The following STON2 variants were observed in gnomAD, a reference collection of about 807,000 sequenced individuals.
The protein encoded by STON2 is stonin-2.
Under a neutral mutation model 65.7 loss-of-function variants are expected in STON2, and 29 were observed. The ratio of observed to expected loss-of-function variants is 0.44; its 90% CI spans 0.33 to 0.60. The LOEUF (loss-of-function observed/expected upper bound fraction) is 0.60, where lower values mean the gene tolerates loss of function less well. Ranked by LOEUF, STON2 falls within the 20% of genes least tolerant of loss-of-function variation. The pLI is 0.03. For synonymous variants in STON2, 404 were observed against 414.2 expected (o/e 0.98, Z 0.30); for missense variants, 1,054 against 1,118.1 (o/e 0.94, Z 0.82).
chr14:81,275,172 T>C (rs1894764136), intron 6 of STON2, among the ~76,000 whole-genome samples: 2 of 152,162 alleles, frequency 1.3e-5, no homozygotes, highest in Admixed American at 6.5e-5. Context: ...TGCAGTACTT[T>C]TAAATGTTTG....
intron 4 of STON2, among the ~76,000 whole-genome samples, chr14:81,347,153 T>C (rs915314121): frequency 6.7e-6 from 1 of 150,158 alleles, no homozygotes. Flanking sequence ...TTTGAAAAGA[T>C]AAAGAAAATT....
chr14:81,337,461 T>C (rs1897417816), intron 4 of STON2, among the ~76,000 whole-genome samples: 1 of 151,928 alleles, frequency 6.6e-6, no homozygotes, highest in Non-Finnish European at 1.5e-5. Flanking sequence ...TCATTTCAAG[T>C]AGGGTTAAAT....
intron 4 of STON2, among the ~76,000 whole-genome samples, chr14:81,369,341 G>C (rs1375308278): frequency 6.6e-6 from 1 of 152,130 alleles, no homozygotes; most frequent in Non-Finnish European, 1.5e-5. Flanking sequence ...ATAAGCTGTG[G>C]AGGCAGACTA....
chr14:81,348,105 C>T (rs147576613), intron 4 of STON2, among the ~76,000 whole-genome samples: 1 of 151,856 alleles, frequency 6.6e-6, no homozygotes, highest in East Asian at 1.9e-4. Flanking sequence ...ACAAATAAGG[C>T]GTAGTAAGAA....
chr14:81,289,221 C>A (rs930591258), intron 5 of STON2, among the ~76,000 whole-genome samples: 3 of 152,142 alleles, frequency 2.0e-5, no homozygotes, highest in Non-Finnish European at 4.4e-5. Flanking sequence ...CCTGATGTTA[C>A]ATTTGGTCAG....
At position 81,261,283 on chromosome 14, in the gene STON2, T is replaced by C. The variant is rs1894131906; in HGVS notation, c.*7131A>G. ...ACAGTGCTTAAGGCTTCAGTCATGG[T>C]GTGGGGCTAGACAGCATCCCCAACT... On this transcript the variant is annotated 3_prime_UTR_variant, in exon 8 of 8. Coordinates refer to ENST00000614646, the MANE Select transcript of STON2 (RefSeq NM_001394390.1). 1 of 152,286 alleles carries C rather than the reference T, an allele frequency of 6.6e-6. No homozygotes were observed. Among genetic ancestry groups the C allele is most frequent in the Admixed American group, 6.5e-5 (1 of 15,288 alleles). 9.4% of individuals were successfully genotyped at this position (152,286 alleles called of 1,614,324 possible).
chr14:81,289,911 A>G (rs1895488522), intron 5 of STON2, among the ~76,000 whole-genome samples: 2 of 152,228 alleles, frequency 1.3e-5, no homozygotes, highest in East Asian at 3.8e-4. Context: ...ATGTTGGTGA[A>G]TAACAGAAAG....
intron 5 of STON2, among the ~76,000 whole-genome samples, chr14:81,309,066 A>G (rs1943521490): frequency 7.5e-6 from 1 of 134,054 alleles, no homozygotes; most frequent in South Asian, 2.6e-4. Flanking sequence ...ATGAGAATGG[A>G]AATAGGTTGT....
At chr14:81,384,589 C>T (rs1005545899) in intron 3 of STON2, among the ~76,000 whole-genome samples, 1 of 152,160 alleles carries the variant, frequency 6.6e-6, no homozygotes, top group Non-Finnish European at 1.5e-5. Flanking sequence ...AACCCCCCTC[C>T]CTGTCCCCCC....
intron 4 of STON2, among the ~76,000 whole-genome samples, chr14:81,368,076 A>G (rs11159498): frequency 0.55 from 84,150 of 152,076 alleles, 24,705 homozygotes; most frequent in African/African-American, 0.74. Context: ...TCCTATTTAT[A>G]TTAAAAATAA....
At chr14:81,365,524 G>A (rs58014838) in intron 4 of STON2, among the ~76,000 whole-genome samples, 4,618 of 152,230 alleles carry the variant, frequency 0.03, 246 homozygotes, top group African/African-American at 0.1. Flanking sequence ...GGGAGGCCGA[G>A]GTGGGCAGAT....
intron 3 of STON2, among the ~76,000 whole-genome samples, chr14:81,379,961 A>G (rs545428332): frequency 1.3e-5 from 2 of 152,348 alleles, no homozygotes; most frequent in South Asian, 4.1e-4. Context: ...AAAGATTCCA[A>G]AAGCAATTTC....
chr14:81,420,525 GGA>G (rs1901654389), intron 2 of STON2, among the ~76,000 whole-genome samples: 1 of 152,262 alleles, frequency 6.6e-6, no homozygotes, highest in Non-Finnish European at 1.5e-5. Context: ...CACCTGCCTT[GGA>G]GAGAGAGACA....
chr14:81,335,778 C>A (rs1897348180), intron 4 of STON2, among the ~76,000 whole-genome samples: 1 of 151,878 alleles, frequency 6.6e-6, no homozygotes, highest in African/African-American at 2.4e-5. Context: ...TCAAAAATAC[C>A]AAAATGAGTG....
At chr14:81,399,976 A>C (rs1900521828) in intron 1 of STON2, among the ~76,000 whole-genome samples, 2 of 152,230 alleles carry the variant, frequency 1.3e-5, no homozygotes, top group South Asian at 4.1e-4. Context: ...CCTTGAGCCC[A>C]GGTCTTCTGC....
At chr14:81,358,499 A>G (rs1034152836) in intron 4 of STON2, among the ~76,000 whole-genome samples, 1 of 152,222 alleles carries the variant, frequency 6.6e-6, no homozygotes, top group East Asian at 1.9e-4. Flanking sequence ...TGTATCTACA[A>G]AACAACCAGA....
intron 2 of STON2, among the ~76,000 whole-genome samples, chr14:81,419,439 T>C (rs1018172858): frequency 6.6e-6 from 1 of 152,206 alleles, no homozygotes; most frequent in African/African-American, 2.4e-5. Flanking sequence ...ATTTCTTACA[T>C]TGGGATTTTT....
intron 1 of STON2, among the ~76,000 whole-genome samples, chr14:81,434,474 C>T (rs1049222560): frequency 2.6e-5 from 4 of 152,184 alleles, no homozygotes; most frequent in African/African-American, 4.8e-5. Context: ...GGGCTTCTTA[C>T]CCCCTGAGAA....
In STON2 at chr14:81,269,667, C is replaced by T. The variant is rs368301912; in HGVS notation, c.2784+1003G>A. On this transcript the variant is annotated intron_variant, in intron 7 of 7. Coordinates refer to ENST00000614646, the MANE Select transcript of STON2 (RefSeq NM_001394390.1). Reference sequence around the variant, plus strand: ...ATTTTAGCCCACACAGCTAAGGAAACATTTAGAGGAACAATAAATCACCAT... The same window carrying T: ...ATTTTAGCCCACACAGCTAAGGAAATATTTAGAGGAACAATAAATCACCAT... 2.4e-5 allele frequency: 24 copies of T among 985,210 alleles called. No homozygotes were observed. In the African/African-American group the frequency reaches 3.7e-4, roughly 15 times the overall value. The allele number at this position is 985,210 out of a possible 1,614,324, so 61.0% of individuals were successfully genotyped here. A position where few individuals can be genotyped will look rare whatever the true frequency, so the allele number is the denominator to read the frequency against.
Sources: allele counts gnomAD v4.1 joint callset (sites outside exome capture counted in the v4.1 genomes callset), GRCh38; gene constraint gnomAD v4.1.1; transcripts MANE v1.5; gene names NCBI Gene and HGNC (gene_info 2026-07-23, HGNC 2026-07-21).